The following C8orf34 variants were observed in gnomAD, a reference collection of about 807,000 sequenced individuals.
C8orf34 encodes the protein chromosome 8 open reading frame 34.
Under a neutral mutation model 68.3 loss-of-function variants are expected in C8orf34, and 65 were observed. The ratio of observed to expected loss-of-function variants is 0.95; its 90% confidence interval spans 0.78 to 1.17. The LOEUF (loss-of-function observed/expected upper bound fraction) is 1.17, where lower values mean the gene tolerates loss of function less well. Ranked by LOEUF, C8orf34 falls within the 50% of genes most tolerant of loss-of-function variation. The pLI is 0.00. For synonymous variants in C8orf34, 244 were observed against 241.2 expected (o/e 1.01, Z -0.11); for missense variants, 664 against 655.4 (o/e 1.01, Z -0.14).
intron 2 of C8orf34, 151 bp downstream of exon 2, chr8:68,439,797 T>C (rs1451769400): frequency 4.6e-6 from 3 of 656,110 alleles, no homozygotes; most frequent in Non-Finnish European, 7.3e-6. Flanking sequence ...CTAAAATTTG[T>C]CATAAATTAT....
intron 7 of C8orf34, among the ~76,000 whole-genome samples, chr8:68,536,155 T>C (rs1177280887): frequency 1.3e-5 from 2 of 151,136 alleles, no homozygotes; most frequent in African/African-American, 4.9e-5. Context: ...CTGAGGTGGG[T>C]GGATTGCTTG....
intron 5 of C8orf34, among the ~76,000 whole-genome samples, chr8:68,509,276 G>T (rs951013117): frequency 6.6e-6 from 1 of 152,156 alleles, no homozygotes; most frequent in African/African-American, 2.4e-5. Context: ...CCTGGAGTTT[G>T]ATTGCCTGAA....
intron 10 of C8orf34, among the ~76,000 whole-genome samples, chr8:68,773,637 C>T (rs540956370): frequency 2.4e-4 from 36 of 152,114 alleles, no homozygotes; most frequent in South Asian, 1.7e-3. Flanking sequence ...CCACCTGCCT[C>T]GGCATCCCAA....
In C8orf34 at chr8:68,686,153, C is replaced by A. The variant is rs372371377; in HGVS notation, c.1242-22841C>A. On this transcript the variant is annotated intron_variant, in intron 8 of 13. Coordinates refer to ENST00000518698, the MANE Select transcript of C8orf34 (RefSeq NM_052958.4). Reference sequence around the variant, plus strand: ...TAATAAAAAAAGATTACCACCACCACCAACAACAGAAAAGCCCAGGACCAG... The same window carrying A: ...TAATAAAAAAAGATTACCACCACCAACAACAACAGAAAAGCCCAGGACCAG... 5.7e-4 allele frequency among the ~76,000 whole-genome samples: 86 copies of A among 151,898 alleles called. No individual in the cohort carries two copies. The South Asian group carries it at 8.9e-3, about 16-fold the overall frequency.
chr8:68,754,882 C>T (rs1296598642), intron 10 of C8orf34, among the ~76,000 whole-genome samples: 1 of 152,126 alleles, frequency 6.6e-6, no homozygotes, highest in African/African-American at 2.4e-5. Flanking sequence ...TTTGGTTAAA[C>T]ATAGGATAGA....
chr8:68,376,854 C>T (rs1807824446), intron 1 of C8orf34, among the ~76,000 whole-genome samples: 1 of 152,086 alleles, frequency 6.6e-6, no homozygotes, highest in African/African-American at 2.4e-5. Flanking sequence ...ATACAGAGTC[C>T]TCTGTTTCCA....
intron 12 of C8orf34, among the ~76,000 whole-genome samples, chr8:68,810,630 A>G (rs1209559410): frequency 6.6e-6 from 1 of 152,054 alleles, no homozygotes; most frequent in Non-Finnish European, 1.5e-5. Context: ...ATCCAGGAAA[A>G]ATGAGGTACG....
chr8:68,534,795 A>G, intron 7 of C8orf34: 2 of 985,386 alleles, frequency 2.0e-6, no homozygotes, highest in Non-Finnish European at 2.4e-6. Flanking sequence ...TGTCCACTCC[A>G]TGCTGGTACT....
chr8:68,474,955 A>C (rs183793171), intron 4 of C8orf34, among the ~76,000 whole-genome samples: 1 of 152,306 alleles, frequency 6.6e-6, no homozygotes, highest in African/African-American at 2.4e-5. Flanking sequence ...TAGTGGCTCT[A>C]AAGTGAAAGC....
At chr8:68,587,890 T>C (rs942024492) in intron 7 of C8orf34, among the ~76,000 whole-genome samples, 2 of 152,108 alleles carry the variant, frequency 1.3e-5, no homozygotes, top group African/African-American at 4.8e-5. Context: ...AATGCAGATG[T>C]GAATGCAGTC....
chr8:68,591,560 C>A (rs1005591916), intron 7 of C8orf34, among the ~76,000 whole-genome samples: 1 of 152,180 alleles, frequency 6.6e-6, no homozygotes, highest in Non-Finnish European at 1.5e-5. Context: ...AGCTAAACTA[C>A]AGGCTAATGT....
At chr8:68,626,980 C>A (rs1380877921) in intron 7 of C8orf34, among the ~76,000 whole-genome samples, 1 of 151,940 alleles carries the variant, frequency 6.6e-6, no homozygotes, top group Non-Finnish European at 1.5e-5. Context: ...AGAGAAGTGT[C>A]CTGGGAGAAT....
intron 7 of C8orf34, among the ~76,000 whole-genome samples, chr8:68,584,718 A>G (rs1298194152): frequency 6.6e-6 from 1 of 152,142 alleles, no homozygotes; most frequent in African/African-American, 2.4e-5. Flanking sequence ...AAAATAAATC[A>G]TGACTGTAAC....
At chr8:68,418,703 C>T (rs568341036) in intron 1 of C8orf34, among the ~76,000 whole-genome samples, 2 of 152,152 alleles carry the variant, frequency 1.3e-5, no homozygotes, top group South Asian at 4.1e-4. Flanking sequence ...TGATCTTTGA[C>T]AAACCTGAGA....
chr8:68,440,136 G>T (rs561520586), intron 2 of C8orf34, among the ~76,000 whole-genome samples: 13 of 152,198 alleles, frequency 8.5e-5, no homozygotes, highest in Admixed American at 7.8e-4. Context: ...CTAGTTTTTC[G>T]AGTGTATCAT....
chr8:68,699,287 C>G (rs1820921596), intron 8 of C8orf34, among the ~76,000 whole-genome samples: 1 of 151,878 alleles, frequency 6.6e-6, no homozygotes. Flanking sequence ...CACACTTCAC[C>G]AGATCCTTTT....
chr8:68,559,105 A>G (rs1816342463), intron 7 of C8orf34, among the ~76,000 whole-genome samples: 1 of 152,194 alleles, frequency 6.6e-6, no homozygotes, highest in African/African-American at 2.4e-5. Flanking sequence ...AGGTAAGATC[A>G]TATTTACATT....
At chr8:68,788,458 G>A (rs1823904144) in intron 12 of C8orf34, among the ~76,000 whole-genome samples, 1 of 152,188 alleles carries the variant, frequency 6.6e-6, no homozygotes, top group Admixed American at 6.5e-5. Flanking sequence ...GTTAGAGGAG[G>A]AGGATGGAGG....
chr8:68,452,084 G>A (rs987101207), intron 3 of C8orf34, among the ~76,000 whole-genome samples: 7 of 151,856 alleles, frequency 4.6e-5, no homozygotes, highest in Admixed American at 3.9e-4. Context: ...ATTCCATTGT[G>A]TGGTTAAACC....
Sources: allele counts gnomAD v4.1 joint callset (sites outside exome capture counted in the v4.1 genomes callset), GRCh38; gene constraint gnomAD v4.1.1; transcripts MANE v1.5; gene names NCBI Gene and HGNC (gene_info 2026-07-23, HGNC 2026-07-21).